ARMC2: variants seen among roughly 807,000 people sequenced by gnomAD.
ARMC2 encodes the protein armadillo repeat-containing protein 2.
In ARMC2, 67 loss-of-function variants were observed where a neutral mutation model predicts 90.3. That is an observed-to-expected ratio of 0.74 (90% confidence interval 0.61 to 0.91). The LOEUF (loss-of-function observed/expected upper bound fraction) is 0.91, where lower values mean the gene tolerates loss of function less well. ARMC2 is among the 40% of genes least tolerant of loss of function. The pLI is 0.00. For missense variants in ARMC2, 920 were observed against 1,030.9 expected, an observed-to-expected ratio of 0.89 and a Z score of 1.47; for synonymous variants, 393 against 393.0, an observed-to-expected ratio of 1.00 and a Z score of 0.00.
intron 8 of ARMC2, among the ~76,000 whole-genome samples, chr6:108,904,885 G>A (rs1032000595): frequency 5.9e-5 from 9 of 152,138 alleles, no homozygotes; most frequent in African/African-American, 1.4e-4. Flanking sequence ...GTGTGAAACC[G>A]AAATACAGCT....
the ARMC2 span, among the ~76,000 whole-genome samples, chr6:109,022,329 A>G: frequency 2.0e-5 from 3 of 151,804 alleles, no homozygotes. Flanking sequence ...TGATTCCAGA[A>G]GCAGGGCAAT....
chr6:108,894,579 T>G (rs368871367), intron 6 of ARMC2, 36 bp downstream of exon 6: 3 of 1,541,756 alleles, frequency 1.9e-6, no homozygotes, highest in Non-Finnish European at 2.6e-6. Context: ...CTACAGCATC[T>G]CCACTTGAAG....
At chr6:109,038,755 G>A in the ARMC2 span, among the ~76,000 whole-genome samples, 1 of 152,174 alleles carries the variant, frequency 6.6e-6, no homozygotes, top group Non-Finnish European at 1.5e-5. Context: ...ATTTGCATAA[G>A]TTAAGTGTAT....
chr6:109,049,604 C>T, the ARMC2 span, among the ~76,000 whole-genome samples: 17 of 151,828 alleles, frequency 1.1e-4, no homozygotes, highest in Non-Finnish European at 1.6e-4. Context: ...GATCACTGCA[C>T]ATTGTAATTG....
intron 12 of ARMC2, among the ~76,000 whole-genome samples, chr6:108,948,132 A>C (rs1776934311): frequency 1.3e-5 from 2 of 152,210 alleles, no homozygotes; most frequent in South Asian, 4.1e-4. Context: ...TATTTTATAG[A>C]CTTGAGATGG....
At chr6:108,851,295 G>A (rs957064064) in intron 1 of ARMC2, among the ~76,000 whole-genome samples, 12 of 152,048 alleles carry the variant, frequency 7.9e-5, no homozygotes, top group Non-Finnish European at 1.3e-4. Context: ...TTTCACAACC[G>A]AGCTCAAGCA....
chr6:108,928,329 C>CT (rs1023488733), intron 11 of ARMC2, 96 bp downstream of exon 11: 2 of 1,233,928 alleles, frequency 1.6e-6, no homozygotes, highest in Non-Finnish European at 2.1e-6. Flanking sequence ...GCAAGGAATC[C>CT]TTTTCCTTCT....
chr6:108,986,029 A>G, the ARMC2 span, among the ~76,000 whole-genome samples: 3 of 152,204 alleles, frequency 2.0e-5, no homozygotes, highest in Admixed American at 2.0e-4. Context: ...ATTTGTAGGC[A>G]GGCACTAGAT....
intron 10 of ARMC2, among the ~76,000 whole-genome samples, chr6:108,920,992 T>G (rs1437643497): frequency 6.6e-6 from 1 of 152,168 alleles, no homozygotes; most frequent in Non-Finnish European, 1.5e-5. Flanking sequence ...GGAGAGCCAT[T>G]TGCTCTCAAT....
intron 5 of ARMC2, among the ~76,000 whole-genome samples, chr6:108,878,803 T>C (rs1205660012): frequency 6.6e-6 from 1 of 152,328 alleles, no homozygotes; most frequent in East Asian, 1.9e-4. Context: ...TCCTCAGGAA[T>C]ACTTCACCAT....
At chr6:108,981,449 T>A in the ARMC2 span, among the ~76,000 whole-genome samples, 1 of 152,186 alleles carries the variant, frequency 6.6e-6, no homozygotes, top group Non-Finnish European at 1.5e-5. Context: ...AAACTGACGC[T>A]ATACGCACCA....
In ARMC2 at chr6:108,894,646, G is replaced by C; in HGVS notation, c.748+103G>C. 20 of 935,684 alleles carry C rather than the reference G, an allele frequency of 2.1e-5. No individual in the cohort carries two copies. In the South Asian group the frequency reaches 3.7e-4, roughly 17 times the overall value. 58.0% of individuals were successfully genotyped at this position (935,684 alleles called of 1,614,324 possible). ...GGCCACTGGAAACTTAAGGAAGTTT[G>C]TCCAATTTGGTCACAAATCAACATT... On this transcript the variant is annotated intron_variant, in intron 6 of 17. Coordinates refer to ENST00000392644, the MANE Select transcript of ARMC2 (RefSeq NM_032131.6).
chr6:108,953,917 C>T (rs562203072), intron 13 of ARMC2, among the ~76,000 whole-genome samples: 32 of 152,286 alleles, frequency 2.1e-4, no homozygotes, highest in African/African-American at 7.5e-4. Context: ...ATTTCTTATG[C>T]TTCTGGAGGC....
At chr6:108,987,608 A>G in the ARMC2 span, 20 of 1,594,232 alleles carry the variant, frequency 1.3e-5, no homozygotes, top group South Asian at 1.1e-4. Context: ...CCTAGCTTCT[A>G]TAAGAAGCAG....
chr6:108,908,896 C>T (rs532951734), intron 8 of ARMC2, among the ~76,000 whole-genome samples: 1 of 151,852 alleles, frequency 6.6e-6, no homozygotes, highest in African/African-American at 2.4e-5. Flanking sequence ...ATGGTGAAAC[C>T]CTGTCTCTAC....
chr6:108,907,768 G>A (rs1378405711), intron 8 of ARMC2: 18 of 1,610,534 alleles, frequency 1.1e-5, no homozygotes, highest in Admixed American at 3.3e-5. Context: ...GAAACGCTCC[G>A]AAAATGCCAC....
At chr6:108,899,822 G>A (rs368190100) in intron 7 of ARMC2, 30 bp downstream of exon 7, 251 of 1,531,626 alleles carry the variant, frequency 1.6e-4, no homozygotes, top group Non-Finnish European at 2.1e-4. Flanking sequence ...ACAAAAAACC[G>A]TTTTTGTTTT....
chr6:108,858,263 C>T lies in ARMC2; in HGVS notation c.283C>T (p.Leu95=), dbSNP rs766709979. The change falls in exon 3 of 18, where the codon CTA becomes TTA. Residue 95 remains leucine (L), a synonymous_variant. Coordinates refer to ENST00000392644, the MANE Select transcript of ARMC2 (RefSeq NM_032131.6). Reference sequence around the variant, plus strand: ...TATCTCTGGCACACGTCTTAGTCCACTAGAGCTGGTGAGTACTTTGTATAA... The same window carrying T: ...TATCTCTGGCACACGTCTTAGTCCATTAGAGCTGGTGAGTACTTTGTATAA... ...RPISGTRLSP[L]ELKPKVPASP... is the part of the protein sequence containing the mutation. 3.7e-6 allele frequency: 6 copies of T among 1,607,206 alleles called. No homozygotes were observed. The highest frequency in any genetic ancestry group is 4.5e-5 in the East Asian group (2 of 44,694).
chr6:109,031,814 T>A, the ARMC2 span, among the ~76,000 whole-genome samples: 1 of 152,152 alleles, frequency 6.6e-6, no homozygotes, highest in Non-Finnish European at 1.5e-5. Flanking sequence ...TCCCCTAAGA[T>A]TACAGGCTGA....
Sources: gnomAD v4.1 joint callset for allele counts (sites outside exome capture counted in the v4.1 genomes callset) on GRCh38, gnomAD v4.1.1 for gene constraint, MANE v1.5 for transcripts, NCBI Gene and HGNC (gene_info 2026-07-23, HGNC 2026-07-21) for gene names.